The following FMNL3 variants were observed in gnomAD, a reference collection of about 807,000 sequenced individuals.
FMNL3 encodes formin-like protein 3.
FMNL3 carries 57 observed loss-of-function variants against 119.6 expected under a neutral mutation model. The ratio of observed to expected loss-of-function variants is 0.48; its 90% CI spans 0.39 to 0.59. The LOEUF (loss-of-function observed/expected upper bound fraction) is 0.59, where lower values mean the gene tolerates loss of function less well. FMNL3 is among the 20% of genes least tolerant of loss of function. FMNL3 has a pLI of 0.00. For missense variants in FMNL3, 1,053 were observed against 1,323.5 expected (o/e 0.80, Z 3.17); for synonymous variants, 491 against 507.3 (o/e 0.97, Z 0.43).
At chr12:49,662,257 T>G (rs1943756140) in intron 4 of FMNL3, among the ~76,000 whole-genome samples, 2 of 152,178 alleles carry the variant, frequency 1.3e-5, no homozygotes, top group Non-Finnish European at 2.9e-5. Flanking sequence ...GTTCAGGCCC[T>G]TCTAATGCCA....
rs141325387 is a variant in FMNL3, at chr12:49,644,981, C to T, written c.*834G>A. 2.6e-5 allele frequency: 4 copies of T among 151,930 alleles called. No individual in the cohort carries two copies. The highest frequency in any genetic ancestry group is 9.7e-5 in the African/African-American group (4 of 41,388). 9.4% of individuals were successfully genotyped at this position (151,930 alleles called of 1,614,324 possible). ...AGGGGGAGAGTCTGAGGTTTATGTA[C>T]AGTAAGAGGAAAGGGAGGTGGTACA... On this transcript the variant is annotated 3_prime_UTR_variant, in exon 26 of 26. Coordinates refer to ENST00000335154, the MANE Select transcript of FMNL3 (RefSeq NM_175736.5).
Position 49,644,233 on chromosome 12 carries a change from T to C in FMNL3, c.*1582A>G. 1 of 1,603,986 alleles carries C rather than the reference T, an allele frequency of 6.2e-7. No homozygotes were observed. Among genetic ancestry groups the C allele is most frequent in the Non-Finnish European group, 8.5e-7 (1 of 1,171,318 alleles). Reference sequence around the variant, plus strand: ...TCTGCCTCGGGTCTGTGTGAGGCCATGGCTCCTGGGCCACCCTCACCGTCT... The same window carrying C: ...TCTGCCTCGGGTCTGTGTGAGGCCACGGCTCCTGGGCCACCCTCACCGTCT... On this transcript the variant is annotated 3_prime_UTR_variant, in exon 26 of 26. Coordinates refer to ENST00000335154, the MANE Select transcript of FMNL3 (RefSeq NM_175736.5).
Position 49,638,935 on chromosome 12 carries a change from C to T in FMNL3, c.*6880G>A, listed in dbSNP as rs538769965. On this transcript the variant is annotated 3_prime_UTR_variant, in exon 26 of 26. Transcript: ENST00000335154. ...GAAGTACTGTTTTGCCTTACAAATTCACGTAGGTGTTGCATTTTAACACCA... is the reference window on the plus strand; with the variant it reads ...GAAGTACTGTTTTGCCTTACAAATTTACGTAGGTGTTGCATTTTAACACCA... The T allele has an allele frequency of 1.3e-5, 2 of 152,196 alleles. No individual in the cohort carries two copies. The highest frequency in any genetic ancestry group is 2.9e-5 in the Non-Finnish European group (2 of 68,046). The allele number at this position is 152,196 out of a possible 1,614,324, so 9.4% of individuals were successfully genotyped here.
chr12:49,650,762 CAG>C lies in FMNL3; in HGVS notation c.1912_1913del (p.Leu638ValfsTer21), dbSNP rs1301874956. ...GGTTCTTGGCACGATTGGCTTCCAA[CAG>C]AGTCACCTTGCTGGCAGCTTTTTGC... Reference protein sequence around the residue: ...TAQKAASKVTLLEANRAKNLA... With the variant: ...TAQKAASKVTXLEANRAKNLA... On this transcript the variant is annotated frameshift_variant, in exon 17 of 26. Transcript: ENST00000335154. LOFTEE classifies it high-confidence loss of function. The C allele has an allele frequency of 6.2e-7, 1 of 1,614,126 alleles. No homozygotes were observed. Among genetic ancestry groups the C allele is most frequent in the Non-Finnish European group, 8.5e-7 (1 of 1,180,054 alleles).
rs1334148050 is a variant in FMNL3, at chr12:49,651,160, CCT to C, written c.1797+6_1797+7del. Reference sequence around the variant, plus strand: ...AACCTTAGCCCTCTGGACCCCAGGCCCTGTTACCTCCAAGATCTTCTCATCAT... The same window carrying C: ...AACCTTAGCCCTCTGGACCCCAGGCCGTTACCTCCAAGATCTTCTCATCAT... On this transcript the variant is annotated splice_donor_region_variant and intron_variant, in intron 16 of 25. Transcript: ENST00000335154. The C allele has an allele frequency of 1.9e-6, 3 of 1,611,946 alleles. No homozygotes were observed. Among genetic ancestry groups the C allele is most frequent in the Non-Finnish European group, 1.7e-6 (2 of 1,178,104 alleles).
chr12:49,666,231 G>C (rs369732153), intron 2 of FMNL3, 24 bp from the exon 3 acceptor site: 11 of 1,600,850 alleles, frequency 6.9e-6, no homozygotes, highest in Non-Finnish European at 9.4e-6. Context: ...ATGCATATGC[G>C]TATCCACAAA....
At position 49,666,117 on chromosome 12, in the gene FMNL3, C is replaced by A; in HGVS notation, c.291+10G>T. The A allele has an allele frequency of 6.2e-7, 1 of 1,613,398 alleles. No individual in the cohort carries two copies. The highest frequency in any genetic ancestry group is 8.5e-7 in the Non-Finnish European group (1 of 1,179,472). On this transcript the variant is annotated intron_variant, in intron 3 of 25. Coordinates refer to ENST00000335154, the MANE Select transcript of FMNL3 (RefSeq NM_175736.5). The stretch of plus-strand genomic sequence containing the variant: ...GTGGCAAGACGGGGACTCTCTGCCT[C>A]ATACTTCACCTTCCGAGTTACACTG...
At chr12:49,656,601 TCA>T (rs946603038) in intron 8 of FMNL3, 104 bp from the exon 9 acceptor site, 2 of 1,103,510 alleles carry the variant, frequency 1.8e-6, no homozygotes, top group Non-Finnish European at 2.7e-6. Context: ...GGAGAAAGCC[TCA>T]GTGGTGAGGA....
chr12:49,643,055 G>A lies in FMNL3; in HGVS notation c.*2760C>T, dbSNP rs768180891. 5.0e-6 allele frequency: 8 copies of A among 1,607,024 alleles called. No homozygotes were observed. The African/African-American group carries it at 9.4e-5, about 19-fold the overall frequency. ...TAGAAGGGACATGGGGTGAAGCTGG[G>A]TTGTTTTGGGGAAATAAACACTTTG... is the stretch of plus-strand genomic sequence containing the variant. On this transcript the variant is annotated 3_prime_UTR_variant, in exon 26 of 26. Coordinates refer to ENST00000335154, the MANE Select transcript of FMNL3 (RefSeq NM_175736.5).
intron 1 of FMNL3, among the ~76,000 whole-genome samples, chr12:49,706,379 G>A (rs1945048268): frequency 6.6e-6 from 1 of 152,202 alleles, no homozygotes; most frequent in Non-Finnish European, 1.5e-5. Flanking sequence ...GATGGTTTGT[G>A]TATTGTTTCA....
intron 1 of FMNL3, among the ~76,000 whole-genome samples, chr12:49,685,583 G>A (rs1001599352): frequency 6.6e-6 from 1 of 152,196 alleles, no homozygotes; most frequent in Non-Finnish European, 1.5e-5. Context: ...CTGTGGAAAG[G>A]TCATGACTAG....
chr12:49,636,759 C>A lies in FMNL3; in HGVS notation c.*9056G>T, dbSNP rs1265817511. The A allele has an allele frequency of 6.2e-7, 1 of 1,614,176 alleles. No individual in the cohort carries two copies. ...CACTGATCTGTTTTGAGGAGCACAT[C>A]CGAGCTTTGGAGAGGGAAGAGGAGG... On this transcript the variant is annotated 3_prime_UTR_variant, in exon 26 of 26. Coordinates refer to ENST00000335154, the MANE Select transcript of FMNL3 (RefSeq NM_175736.5).
In FMNL3 at chr12:49,707,218, T is replaced by C; in HGVS notation, c.-38A>G. ...CCCTCAGGGGCCTCGGCCCCCCACC[T>C]CCACGCTCCGGAGCTTTCGGCTCCG... On this transcript the variant is annotated 5_prime_UTR_variant, in exon 1 of 26. Transcript: ENST00000335154. The C allele has an allele frequency of 6.8e-7, 1 of 1,465,050 alleles. No homozygotes were observed. The highest frequency in any genetic ancestry group is 9.0e-7 in the Non-Finnish European group (1 of 1,114,082). 90.8% of individuals were successfully genotyped at this position (1,465,050 alleles called of 1,614,324 possible).
At chr12:49,685,177 C>T (rs779770449) in intron 1 of FMNL3, among the ~76,000 whole-genome samples, 9 of 152,186 alleles carry the variant, frequency 5.9e-5, no homozygotes, top group African/African-American at 1.2e-4. Context: ...CCTTGGTAAA[C>T]GCCCCCAGTT....
intron 1 of FMNL3, among the ~76,000 whole-genome samples, chr12:49,701,052 C>T (rs1253950287): frequency 2.0e-5 from 3 of 148,564 alleles, no homozygotes; most frequent in African/African-American, 7.5e-5. Context: ...GCACTCCAGC[C>T]CGGGCAACAG....
chr12:49,649,369 A>G lies in FMNL3; in HGVS notation c.2305-30T>C, dbSNP rs1943319117. The G allele has an allele frequency of 1.2e-6, 2 of 1,614,092 alleles. No individual in the cohort carries two copies. Among genetic ancestry groups the G allele is most frequent in the South Asian group, 2.2e-5 (2 of 91,086 alleles). On this transcript the variant is annotated intron_variant, in intron 19 of 25. Coordinates refer to ENST00000335154, the MANE Select transcript of FMNL3 (RefSeq NM_175736.5). This position sits in a 1 kb window ranked among gnomAD's most constrained non-coding sequence, Gnocchi z 5.6. The stretch of plus-strand genomic sequence containing the variant: ...CCAAAGAATGTGTGGGAGGCAGGTC[A>G]GGCTCAGGTCCTGAAGGCTCCTTCT...
Position 49,638,109 on chromosome 12 carries a change from G to C in FMNL3, c.*7706C>G. The C allele has an allele frequency of 2.6e-6, 1 of 383,666 alleles. No individual in the cohort carries two copies. The highest frequency in any genetic ancestry group is 3.3e-5 in the South Asian group (1 of 30,696). 23.8% of individuals were successfully genotyped at this position (383,666 alleles called of 1,614,324 possible). A position where few individuals can be genotyped will look rare whatever the true frequency, so the allele number is the denominator to read the frequency against. On this transcript the variant is annotated 3_prime_UTR_variant, in exon 26 of 26. Transcript: ENST00000335154. The stretch of plus-strand genomic sequence containing the variant: ...AACTAACATTTGAACTGTGCATTTA[G>C]AAATTTGTAGGTGGAAGAGGTTGGA...
chr12:49,683,042 C>T (rs1204734766), intron 1 of FMNL3, among the ~76,000 whole-genome samples: 1 of 152,144 alleles, frequency 6.6e-6, no homozygotes, highest in African/African-American at 2.4e-5. Flanking sequence ...TCCTAACTTC[C>T]TCGGGTCCAC....
At position 49,649,778 on chromosome 12, in the gene FMNL3, G is replaced by C. The variant is rs777350764; in HGVS notation, c.2148C>G (p.Leu716=). Residue 716 remains leucine, a synonymous_variant, in exon 18 of 26, where the codon CTC becomes CTG. Coordinates refer to ENST00000335154, the MANE Select transcript of FMNL3 (RefSeq NM_175736.5). The surrounding 1 kb of genome is among the most constrained non-coding windows in gnomAD (Gnocchi z 5.6). ...ELAAEDRFML[L]FSKVERLTQR... Reference sequence around the variant, plus strand: ...GGGTCAACCGTTCCACCTTGCTGAAGAGCAGCATGAAGCGGTCCTCAGCTG... The same window carrying C: ...GGGTCAACCGTTCCACCTTGCTGAACAGCAGCATGAAGCGGTCCTCAGCTG... 1.3e-5 allele frequency: 21 copies of C among 1,614,080 alleles called. No individual in the cohort carries two copies. The South Asian group carries it at 2.2e-4, about 17-fold the overall frequency.
Sources: gnomAD v4.1 joint callset for allele counts (sites outside exome capture counted in the v4.1 genomes callset) on GRCh38, gnomAD v4.1.1 for gene constraint, Gnocchi (gnomAD v3.1) non-coding constraint, MANE v1.5 for transcripts, NCBI Gene and HGNC (gene_info 2026-07-23, HGNC 2026-07-21) for gene names.